Variants in STK32A observed in about 807,000 individuals in gnomAD.
The protein encoded by STK32A is serine/threonine kinase 32A.
Under a neutral mutation model 53.2 loss-of-function variants are expected in STK32A, and 41 were observed. That is an observed-to-expected ratio of 0.77 (90% CI 0.60 to 1.00). STK32A has a LOEUF of 1.00. Among genes scored for constraint, STK32A ranks in the 50% least tolerant of loss-of-function variants. The pLI, the probability that STK32A is intolerant of heterozygous loss-of-function variation, is 0.00. For synonymous variants in STK32A, 166 were observed against 162.8 expected (o/e 1.02, Z -0.15); for missense variants, 458 against 485.8 (o/e 0.94, Z 0.54).
chr5:147,372,679 A>G (rs1757051931), intron 9 of STK32A, among the ~76,000 whole-genome samples: 1 of 152,122 alleles, frequency 6.6e-6, no homozygotes, highest in African/African-American at 2.4e-5. Context: ...CTTTAGTTAC[A>G]CCTTATCTAT....
chr5:147,300,393 A>T (rs11953447), intron 4 of STK32A, among the ~76,000 whole-genome samples: 11,344 of 152,256 alleles, frequency 0.075, 436 homozygotes, highest in Middle Eastern at 0.11. Context: ...TCCTGCAAAA[A>T]TATGTAAGGA....
At chr5:147,296,952 C>T (rs966193131) in intron 4 of STK32A, among the ~76,000 whole-genome samples, 2 of 152,162 alleles carry the variant, frequency 1.3e-5, no homozygotes, top group African/African-American at 4.8e-5. Context: ...TTCTCTATGC[C>T]TGGACTCGGC....
intron 5 of STK32A, among the ~76,000 whole-genome samples, chr5:147,330,613 TC>T (rs2151981338): frequency 6.6e-6 from 1 of 152,308 alleles, no homozygotes; most frequent in East Asian, 1.9e-4. Flanking sequence ...GCCCTGAACT[TC>T]CCTGTCAAGG....
intron 8 of STK32A, among the ~76,000 whole-genome samples, chr5:147,365,239 T>C (rs1021852932): frequency 6.6e-6 from 1 of 152,150 alleles, no homozygotes; most frequent in Non-Finnish European, 1.5e-5. Context: ...AAGATGAGTG[T>C]TTCTAAAGCA....
chr5:147,312,738 G>A (rs1004034078), intron 4 of STK32A, among the ~76,000 whole-genome samples: 1 of 152,200 alleles, frequency 6.6e-6, no homozygotes, highest in Non-Finnish European at 1.5e-5. Context: ...ACTCTAGAGA[G>A]AGAAAGCGCT....
At chr5:147,331,502 A>C (rs1461679295) in intron 5 of STK32A, among the ~76,000 whole-genome samples, 1 of 152,226 alleles carries the variant, frequency 6.6e-6, no homozygotes, top group Non-Finnish European at 1.5e-5. Context: ...TGAGCTGTTC[A>C]GTGCTGTTTA....
rs560366791 is a variant in STK32A at position 147,327,920 on chromosome 5, G to A, written c.434+3849G>A. ...CAGACGAAAGTGGTACATGTGGAAC[G>A]GACAGACAGAGAACAGCCTAAAATT... is the stretch of plus-strand genomic sequence containing the variant. On this transcript the variant is annotated intron_variant, in intron 5 of 12. Transcript: ENST00000397936. Among the ~76,000 whole-genome samples, 10 of 152,252 alleles carry A rather than the reference G, an allele frequency of 6.6e-5. No homozygotes were observed. In the South Asian group the frequency reaches 1.7e-3, roughly 25 times the overall value.
At chr5:147,281,847 G>A (rs772378884) in intron 4 of STK32A, among the ~76,000 whole-genome samples, 1 of 152,162 alleles carries the variant, frequency 6.6e-6, no homozygotes, top group Admixed American at 6.5e-5. Context: ...AATCTTAAGA[G>A]ATATGAGACA....
At chr5:147,238,378 C>G (rs978544792) in intron 1 of STK32A, among the ~76,000 whole-genome samples, 2 of 152,152 alleles carry the variant, frequency 1.3e-5, no homozygotes, top group African/African-American at 4.8e-5. Context: ...CAGCTTGTCA[C>G]TCCTGAGGTA....
chr5:147,281,606 T>C (rs1752068266), intron 4 of STK32A, among the ~76,000 whole-genome samples: 2 of 151,526 alleles, frequency 1.3e-5, no homozygotes, highest in South Asian at 2.1e-4. Flanking sequence ...AAGTCTGATA[T>C]TATGTTAAAT....
At chr5:147,349,352 G>A (rs1755845143) in intron 6 of STK32A, among the ~76,000 whole-genome samples, 1 of 152,314 alleles carries the variant, frequency 6.6e-6, no homozygotes, top group Admixed American at 6.5e-5. Context: ...TTTGATACAG[G>A]GCTTGTGGAC....
chr5:147,395,541 T>G, the STK32A span: 2 of 1,601,144 alleles, frequency 1.2e-6, no homozygotes, highest in Non-Finnish European at 1.7e-6. Flanking sequence ...TATCTTTTGA[T>G]GAGCCTGTCC....
At chr5:147,272,742 A>C (rs1024253988) in intron 2 of STK32A, among the ~76,000 whole-genome samples, 4 of 152,212 alleles carry the variant, frequency 2.6e-5, no homozygotes, top group Non-Finnish European at 4.4e-5. Context: ...TTTAGTTTTC[A>C]GTGGACCAGA....
the STK32A span, chr5:147,397,910 CTTGAGACCTTCAGTGTCAT>C: frequency 1.4e-6 from 2 of 1,432,140 alleles, no homozygotes; most frequent in East Asian, 2.4e-5. Context: ...ACCTTCTCTC[CTTGAGACCTTCAGTGTCAT>C]TTGCTGCTGA....
chr5:147,295,028 T>A (rs189431596), intron 4 of STK32A, among the ~76,000 whole-genome samples: 195 of 152,286 alleles, frequency 1.3e-3, no homozygotes, highest in African/African-American at 4.5e-3. Flanking sequence ...ATTTTAACTC[T>A]TAGGAACGCT....
At chr5:147,339,619 G>A (rs985135780) in intron 5 of STK32A, among the ~76,000 whole-genome samples, 35 of 152,322 alleles carry the variant, frequency 2.3e-4, no homozygotes, top group African/African-American at 5.1e-4. Context: ...GCCAATGAAC[G>A]CAGCCAGGAA....
intron 4 of STK32A, among the ~76,000 whole-genome samples, chr5:147,280,445 T>C (rs1188592107): frequency 1.3e-5 from 2 of 149,314 alleles, no homozygotes; most frequent in Admixed American, 1.3e-4. Flanking sequence ...AGGGGGGTGG[T>C]GGAAAGCACG....
intron 4 of STK32A, among the ~76,000 whole-genome samples, chr5:147,286,817 A>T (rs1256194364): frequency 2.6e-5 from 4 of 152,184 alleles, no homozygotes; most frequent in African/African-American, 9.6e-5. Flanking sequence ...ATATATATAT[A>T]TTTTTAAACA....
chr5:147,241,502 A>ACAAG (rs1375187840), intron 2 of STK32A, among the ~76,000 whole-genome samples: 4 of 151,804 alleles, frequency 2.6e-5, no homozygotes, highest in Non-Finnish European at 4.4e-5. Flanking sequence ...AAACAAACAA[A>ACAAG]CAAAAAAACC....
Sources: allele counts gnomAD v4.1 joint callset (sites outside exome capture counted in the v4.1 genomes callset), GRCh38; gene constraint gnomAD v4.1.1; transcripts MANE v1.5; gene names NCBI Gene and HGNC (gene_info 2026-07-23, HGNC 2026-07-21).